The following ATP11C variants were observed in gnomAD, a reference collection of about 807,000 sequenced individuals.
The protein encoded by ATP11C is phospholipid-transporting ATPase IG.
A neutral mutation model predicts 97.4 loss-of-function variants in ATP11C; 36 were observed. The ratio of observed to expected loss-of-function variants is 0.37; its 90% confidence interval spans 0.28 to 0.49. The LOEUF is 0.49. Ranked by LOEUF, ATP11C falls within the 20% of genes least tolerant of loss-of-function variation. The pLI, the probability that ATP11C is intolerant of heterozygous loss-of-function variation, is 0.98. For synonymous variants in ATP11C, 275 were observed against 290.9 expected, an observed-to-expected ratio of 0.95 and a Z score of 0.56; for missense variants, 730 against 824.6, an observed-to-expected ratio of 0.89 and a Z score of 1.40.
At chrX:139,901,599 G>C (rs1301283024) in intron 1 of ATP11C, among the ~76,000 whole-genome samples, 1 of 111,356 alleles carries the variant, frequency 9.0e-6, no homozygotes, top group Non-Finnish European at 1.9e-5. Flanking sequence ...CACTGACTCT[G>C]GAGTGGGCTT....
At chrX:139,818,612 A>C (rs1035585928) in intron 3 of ATP11C, among the ~76,000 whole-genome samples, 4 of 112,310 alleles carry the variant, frequency 3.6e-5, no homozygotes, top group African/African-American at 1.3e-4. Context: ...GGCTAAATTC[A>C]ATTACAGTAC....
intron 14 of ATP11C, 26 bp downstream of exon 14, chrX:139,788,166 G>A (rs1433637774): frequency 8.7e-6 from 10 of 1,147,147 alleles, no homozygotes; most frequent in African/African-American, 5.5e-5. Flanking sequence ...ACTTTCTTAG[G>A]AGAAGTATAA....
chrX:139,931,206 G>A (rs1446779711), intron 1 of ATP11C, among the ~76,000 whole-genome samples: 1 of 112,289 alleles, frequency 8.9e-6, no homozygotes, highest in Non-Finnish European at 1.9e-5. Context: ...GCCAGAAAGC[G>A]ATTTTCCCTA....
chrX:139,820,648 G>GT (rs2083389152), intron 2 of ATP11C, among the ~76,000 whole-genome samples: 1 of 109,236 alleles, frequency 9.2e-6, no homozygotes, highest in Non-Finnish European at 1.9e-5. Context: ...TTGGTAATTG[G>GT]TAATAGGTAA....
intron 1 of ATP11C, among the ~76,000 whole-genome samples, chrX:139,884,306 T>C (rs1366350170): frequency 9.0e-6 from 1 of 111,153 alleles, no homozygotes; most frequent in Non-Finnish European, 1.9e-5. Context: ...TGAAACAACC[T>C]GAAATGGTTT....
intron 1 of ATP11C, among the ~76,000 whole-genome samples, chrX:139,888,132 T>C (rs2148063868): frequency 9.1e-6 from 1 of 109,796 alleles, no homozygotes; most frequent in South Asian, 3.9e-4. Flanking sequence ...GCTGTAAAGC[T>C]GTATAATTTT....
intron 18 of ATP11C, among the ~76,000 whole-genome samples, chrX:139,775,258 AAT>A (rs1169469977): frequency 8.9e-6 from 1 of 112,357 alleles, no homozygotes; most frequent in African/African-American, 3.2e-5. Context: ...ATTTGTACTC[AAT>A]GTCACTTTAG....
At chrX:139,860,880 C>T (rs1292992189) in intron 1 of ATP11C, among the ~76,000 whole-genome samples, 2 of 112,189 alleles carry the variant, frequency 1.8e-5, no homozygotes, top group South Asian at 3.7e-4. Context: ...ACCTTGAAAC[C>T]ATCACTGGTG....
intron 12 of ATP11C, among the ~76,000 whole-genome samples, chrX:139,790,241 C>A (rs1418659446): frequency 9.1e-6 from 1 of 110,271 alleles, no homozygotes; most frequent in Non-Finnish European, 1.9e-5. Context: ...CCACACCAGG[C>A]TAATTATTCT....
At chrX:139,878,867 C>T (rs908069191) in intron 1 of ATP11C, among the ~76,000 whole-genome samples, 12 of 107,906 alleles carry the variant, frequency 1.1e-4, no homozygotes, top group Admixed American at 1.1e-3. Context: ...TAGCGTGGTA[C>T]GGACAGAGAC....
intron 1 of ATP11C, among the ~76,000 whole-genome samples, chrX:139,842,815 G>A (rs772022079): frequency 4.5e-5 from 5 of 111,949 alleles, no homozygotes; most frequent in Admixed American, 9.5e-5. Context: ...GCTAGAGTCT[G>A]CATACAATGA....
chrX:139,890,691 GCT>G (rs2084713908), intron 1 of ATP11C, among the ~76,000 whole-genome samples: 1 of 112,270 alleles, frequency 8.9e-6, no homozygotes, highest in African/African-American at 3.2e-5. Context: ...TCTGGGCCAG[GCT>G]CTGTGTTAAA....
intron 26 of ATP11C, among the ~76,000 whole-genome samples, chrX:139,743,191 ACT>A (rs757081610): frequency 5.0e-4 from 52 of 103,192 alleles, no homozygotes; most frequent in Non-Finnish European, 6.2e-4. Flanking sequence ...ACACACACAC[ACT>A]CTCTCTCTCT....
chrX:139,871,451 C>T (rs1252534636), intron 1 of ATP11C, among the ~76,000 whole-genome samples: 2 of 107,631 alleles, frequency 1.9e-5, no homozygotes, highest in East Asian at 2.9e-4. Context: ...TCAAGTGATC[C>T]GCCTACCTCG....
intron 1 of ATP11C, among the ~76,000 whole-genome samples, chrX:139,853,663 A>G (rs146942109): frequency 0.014 from 1,585 of 109,893 alleles, 28 homozygotes; most frequent in African/African-American, 0.051. Flanking sequence ...GAGGCCATGG[A>G]CAACCCCGTA....
chrX:139,855,275 G>A, intron 1 of ATP11C, among the ~76,000 whole-genome samples: 1 of 111,767 alleles, frequency 8.9e-6, no homozygotes, highest in East Asian at 2.8e-4. Flanking sequence ...TAAAACAAAA[G>A]GTCAGTTTCT....
chrX:139,773,392 G>T (rs35975796), intron 19 of ATP11C, among the ~76,000 whole-genome samples: 26 of 111,331 alleles, frequency 2.3e-4, no homozygotes, highest in African/African-American at 7.8e-4. Flanking sequence ...GGAAGAGACA[G>T]CAGAGGGCGG....
At chrX:139,788,419 T>G in intron 13 of ATP11C, 76 bp from the exon 14 acceptor site, 1 of 912,397 alleles carries the variant, frequency 1.1e-6, no homozygotes, top group East Asian at 3.1e-5. Flanking sequence ...ACGGAGAAAA[T>G]ATATTAATGT....
chrX:139,829,840 T>C (rs1376091474), intron 1 of ATP11C, among the ~76,000 whole-genome samples: 1 of 111,568 alleles, frequency 9.0e-6, no homozygotes, highest in African/African-American at 3.3e-5. Flanking sequence ...TAGTATAAAC[T>C]GAATGCTGTA....
Sources: gnomAD v4.1 joint callset for allele counts (sites outside exome capture counted in the v4.1 genomes callset) on GRCh38, gnomAD v4.1.1 for gene constraint, MANE v1.5 for transcripts, NCBI Gene and HGNC (gene_info 2026-07-23, HGNC 2026-07-21) for gene names.